The following CAMKMT variants were observed in gnomAD, a reference collection of about 807,000 sequenced individuals.
CAMKMT encodes CaM KMT.
Under a neutral mutation model 48.0 loss-of-function variants are expected in CAMKMT, and 53 were observed. The observed-to-expected ratio is 1.10, with a 90% CI of 0.89 to 1.39. The LOEUF (loss-of-function observed/expected upper bound fraction) is 1.39, where lower values mean the gene tolerates loss of function less well. Among genes scored for constraint, CAMKMT ranks in the 40% most tolerant of loss-of-function variants. The probability of loss-of-function intolerance (pLI) is 0.00; values close to 1 mark genes in which losing one functional copy is unlikely to be tolerated. For missense variants in CAMKMT, 428 were observed against 402.7 expected, an observed-to-expected ratio of 1.06 and a Z score of -0.54; for synonymous variants, 165 against 152.3, an observed-to-expected ratio of 1.08 and a Z score of -0.61.
chr2:44,557,697 C>A (rs747969428), intron 3 of CAMKMT, among the ~76,000 whole-genome samples: 16 of 152,158 alleles, frequency 1.1e-4, no homozygotes, highest in Non-Finnish European at 1.9e-4. Flanking sequence ...TGGTTAGCAC[C>A]ATATTTCTGA....
intron 3 of CAMKMT, among the ~76,000 whole-genome samples, chr2:44,628,865 G>A (rs1672644469): frequency 6.6e-6 from 1 of 151,974 alleles, no homozygotes; most frequent in Non-Finnish European, 1.5e-5. Context: ...CTTAATTTTA[G>A]TTTGGTCAGA....
At chr2:44,405,251 A>T (rs1013258275) in intron 3 of CAMKMT, among the ~76,000 whole-genome samples, 1 of 152,072 alleles carries the variant, frequency 6.6e-6, no homozygotes, top group Admixed American at 6.6e-5. Context: ...TAAATATAGC[A>T]CTATTTGGAC....
intron 3 of CAMKMT, among the ~76,000 whole-genome samples, chr2:44,541,986 G>C (rs1413926643): frequency 6.6e-6 from 1 of 151,928 alleles, no homozygotes; most frequent in Non-Finnish European, 1.5e-5. Flanking sequence ...AATTAAACCG[G>C]GCATGGTGGC....
intron 3 of CAMKMT, among the ~76,000 whole-genome samples, chr2:44,533,839 A>T (rs1196120593): frequency 6.6e-6 from 1 of 152,208 alleles, no homozygotes; most frequent in African/African-American, 2.4e-5. Flanking sequence ...AGAATATATA[A>T]AACATTCAGA....
chr2:44,485,702 C>T (rs1443642965), intron 3 of CAMKMT, among the ~76,000 whole-genome samples: 2 of 152,102 alleles, frequency 1.3e-5, no homozygotes, highest in African/African-American at 4.8e-5. Context: ...AGGAAGGGTA[C>T]AATAAAAAAC....
rs1249143492 is a variant in CAMKMT at position 44,533,383 on chromosome 2, T to C, written c.376+143078T>C. Among the ~76,000 whole-genome samples the C allele has an allele frequency of 2.0e-5, 3 of 151,440 alleles. No homozygotes were observed. In the East Asian group the frequency reaches 5.9e-4, roughly 30 times the overall value. On this transcript the variant is annotated intron_variant, in intron 3 of 10. Coordinates refer to ENST00000378494, the MANE Select transcript of CAMKMT (RefSeq NM_024766.5). ...CCTCCTAAGTAGCTGGGATTACAGG[T>C]GCCCACCACCACACCCAGCTGATTT...
At chr2:44,695,689 G>T (rs1676904204) in intron 3 of CAMKMT, among the ~76,000 whole-genome samples, 1 of 152,092 alleles carries the variant, frequency 6.6e-6, no homozygotes, top group African/African-American at 2.4e-5. Context: ...ATTTTAAGGG[G>T]CAGCATGCAA....
intron 6 of CAMKMT, among the ~76,000 whole-genome samples, chr2:44,709,868 G>A (rs1479155859): frequency 2.0e-5 from 3 of 152,086 alleles, no homozygotes; most frequent in Non-Finnish European, 2.9e-5. Context: ...AAATCTGTTA[G>A]TAAAGCTGCT....
At chr2:44,767,062 G>C (rs575176111) in intron 10 of CAMKMT, among the ~76,000 whole-genome samples, 1 of 152,322 alleles carries the variant, frequency 6.6e-6, no homozygotes, top group South Asian at 2.1e-4. Context: ...TTATATGTCA[G>C]ATGGAGGCAC....
intron 3 of CAMKMT, among the ~76,000 whole-genome samples, chr2:44,423,881 A>G (rs2104517250): frequency 6.6e-6 from 1 of 152,248 alleles, no homozygotes; most frequent in Admixed American, 6.5e-5. Flanking sequence ...TTATTTCCAT[A>G]TTTCTTTAAA....
rs568278020 is a variant in CAMKMT, at chr2:44,449,724, T to C, written c.376+59419T>C. ...CTTGCTTAAAAACAGCAAGGAAATT[T>C]CTTCTTTCAACACTATTAACAAGTA... is the stretch of plus-strand genomic sequence containing the variant. On this transcript the variant is annotated intron_variant, in intron 3 of 10. Coordinates refer to ENST00000378494, the MANE Select transcript of CAMKMT (RefSeq NM_024766.5). 3.3e-5 allele frequency among the ~76,000 whole-genome samples: 5 copies of C among 152,282 alleles called. No homozygotes were observed. In the East Asian group the frequency reaches 9.6e-4, roughly 29 times the overall value.
At chr2:44,511,687 CA>C (rs1670565080) in intron 3 of CAMKMT, among the ~76,000 whole-genome samples, 1 of 152,192 alleles carries the variant, frequency 6.6e-6, no homozygotes, top group South Asian at 2.1e-4. Flanking sequence ...AAAGGTACTT[CA>C]ACTGAGGGCT....
chr2:44,599,922 C>T (rs1372310830), intron 3 of CAMKMT, among the ~76,000 whole-genome samples: 2 of 151,384 alleles, frequency 1.3e-5, no homozygotes, highest in Non-Finnish European at 2.9e-5. Context: ...AATTTTTCTT[C>T]AAAACGATTT....
At chr2:44,736,904 A>G (rs1368999289) in intron 7 of CAMKMT, among the ~76,000 whole-genome samples, 1 of 152,090 alleles carries the variant, frequency 6.6e-6, no homozygotes, top group African/African-American at 2.4e-5. Flanking sequence ...TATATTAAAG[A>G]CCATTATGAT....
At chr2:44,764,277 C>T (rs1248311903) in intron 9 of CAMKMT, among the ~76,000 whole-genome samples, 1 of 152,130 alleles carries the variant, frequency 6.6e-6, no homozygotes, top group African/African-American at 2.4e-5. Flanking sequence ...ACAGTGTAGC[C>T]ACGTATTTTC....
rs186610139 is a variant in CAMKMT at position 44,635,551 on chromosome 2, C to T, written c.377-68732C>T. Among the ~76,000 whole-genome samples, 3 of 152,296 alleles carry T rather than the reference C, an allele frequency of 2.0e-5. No homozygotes were observed. In the East Asian group the frequency reaches 5.8e-4, roughly 29 times the overall value. ...CTCCATCTTGCATATCTTGGGTTCA[C>T]GCACCTTACTTTGTAAACTAGCAGG... is the stretch of plus-strand genomic sequence containing the variant. On this transcript the variant is annotated intron_variant, in intron 3 of 10. Transcript: ENST00000378494.
At chr2:44,475,843 G>A (rs1191874263) in intron 3 of CAMKMT, among the ~76,000 whole-genome samples, 8 of 152,156 alleles carry the variant, frequency 5.3e-5, no homozygotes, top group Admixed American at 6.6e-5. Flanking sequence ...AAAATGTATC[G>A]TTTAGGAATA....
At chr2:44,607,712 G>C (rs1671363357) in intron 3 of CAMKMT, among the ~76,000 whole-genome samples, 2 of 152,020 alleles carry the variant, frequency 1.3e-5, no homozygotes, top group African/African-American at 4.8e-5. Context: ...TGCTTCATTG[G>C]CTTTTTAAAT....
chr2:44,381,134 T>C (rs1680203807), intron 2 of CAMKMT, among the ~76,000 whole-genome samples: 1 of 152,188 alleles, frequency 6.6e-6, no homozygotes, highest in Admixed American at 6.5e-5. Flanking sequence ...CACTCCACCC[T>C]GGGTGACAGT....
Sources: allele counts gnomAD v4.1 joint callset (sites outside exome capture counted in the v4.1 genomes callset), GRCh38; gene constraint gnomAD v4.1.1; transcripts MANE v1.5; gene names NCBI Gene and HGNC (gene_info 2026-07-23, HGNC 2026-07-21).